The following CRB1 variants were observed in gnomAD, a reference collection of about 807,000 sequenced individuals.
CRB1 encodes protein crumbs homolog 1.
Under a neutral mutation model 120.0 loss-of-function variants are expected in CRB1, and 83 were observed. The observed-to-expected ratio is 0.69, with a 90% confidence interval of 0.58 to 0.83. CRB1 has a LOEUF of 0.83. Ranked by LOEUF, CRB1 falls within the 40% of genes least tolerant of loss-of-function variation. The pLI is 0.00. For missense variants in CRB1, 1,699 were observed against 1,687.6 expected (o/e 1.01, Z -0.12); for synonymous variants, 625 against 612.5 (o/e 1.02, Z -0.30).
intron 10 of CRB1, chr1:197,441,245 T>G (rs942845647): frequency 1.3e-5 from 2 of 152,230 alleles, no homozygotes; most frequent in Non-Finnish European, 2.9e-5. Context: ...AATAGCCGCC[T>G]TAGTTGCTGT....
At chr1:197,466,909 A>C (rs10922234) in intron 11 of CRB1, among the ~76,000 whole-genome samples, 1 of 152,162 alleles carries the variant, frequency 6.6e-6, no homozygotes, top group Non-Finnish European at 1.5e-5. Flanking sequence ...TGAACACCCA[A>C]TGTGTGTCCA....
chr1:197,247,009 A>T, the CRB1 span, among the ~76,000 whole-genome samples: 1 of 152,062 alleles, frequency 6.6e-6, no homozygotes, highest in African/African-American at 2.4e-5. Context: ...ACTCAGTTTT[A>T]GGGAAATATA....
intron 11 of CRB1, among the ~76,000 whole-genome samples, chr1:197,451,569 T>A (rs1393574105): frequency 6.6e-6 from 1 of 152,214 alleles, no homozygotes; most frequent in Non-Finnish European, 1.5e-5. Flanking sequence ...AACCTAACAC[T>A]GTCGATTCTG....
Position 197,344,511 on chromosome 1 carries a change from A to G in CRB1, c.848+35A>G, listed in dbSNP as rs764699585. On this transcript the variant is annotated intron_variant, in intron 3 of 11. Transcript: ENST00000367400. Reference sequence around the variant, plus strand: ...CTCTGGCGTTGGGTGATTGGCTTAGAACTCCCTGACCATGAACTATTTTAC... The same window carrying G: ...CTCTGGCGTTGGGTGATTGGCTTAGGACTCCCTGACCATGAACTATTTTAC... The G allele has an allele frequency of 5.0e-5, 79 of 1,588,970 alleles. 1 individual carries two copies. In the East Asian group the frequency reaches 7.8e-4, roughly 16 times the overall value.
intron 5 of CRB1, among the ~76,000 whole-genome samples, chr1:197,400,084 G>A (rs1662982768): frequency 6.6e-6 from 1 of 152,080 alleles, no homozygotes; most frequent in Non-Finnish European, 1.5e-5. Context: ...ATAGAACTCT[G>A]CCTACTACAT....
chr1:197,406,104 G>A (rs1417517228), intron 5 of CRB1, among the ~76,000 whole-genome samples: 1 of 152,230 alleles, frequency 6.6e-6, no homozygotes. Flanking sequence ...AACGGGCCAT[G>A]ATGACAATGG....
chr1:197,299,020 T>A lies in CRB1; in HGVS notation c.71-29402T>A, dbSNP rs2125250593. Among the ~76,000 whole-genome samples the A allele has an allele frequency of 1.3e-5, 2 of 152,148 alleles. 1 individual carries two copies. Among genetic ancestry groups the A allele is most frequent in the South Asian group, 4.1e-4 (2 of 4,824 alleles). ...TAAGGATAAATTCAATTACATTAAA[T>A]TAACTATAATAGTCAAAAATACTGT... On this transcript the variant is annotated intron_variant, in intron 1 of 11. Coordinates refer to ENST00000367400, the MANE Select transcript of CRB1 (RefSeq NM_201253.3).
At chr1:197,239,148 G>C in the CRB1 span, among the ~76,000 whole-genome samples, 1 of 151,794 alleles carries the variant, frequency 6.6e-6, no homozygotes, top group Non-Finnish European at 1.5e-5. Context: ...TAGTCTATCC[G>C]GGTATATCTT....
In CRB1 at chr1:197,453,539, TAGAG is replaced by T. The variant is rs1181738570; in HGVS notation, c.4005+11255_4005+11258del. Among the ~76,000 whole-genome samples, 20 of 58,506 alleles carry T rather than the reference TAGAG, an allele frequency of 3.4e-4. No individual in the cohort carries two copies. In the South Asian group the frequency reaches 9.5e-3, roughly 28 times the overall value. 38.4% of individuals were successfully genotyped at this position (58,506 alleles called of 152,430 possible). On this transcript the variant is annotated intron_variant, in intron 11 of 11. Coordinates refer to ENST00000367400, the MANE Select transcript of CRB1 (RefSeq NM_201253.3). ...GTGTGTGTGTGTATATATATATATA[TAGAG>T]AGAGAGACAGAGAGAGAGAGAGAGA...
Position 197,421,740 on chromosome 1 carries a change from T to C in CRB1, c.1912T>C (p.Ser638Pro). ...LNFYNMPSTP[S>P]FVGCLQDIKI... ...CTTCTATAATATGCCATCCACACCT[T>C]CGTTTGTAGGCTGTCTCCAAGACAT... The change falls in exon 6 of 12, where the codon TCG becomes CCG. Residue 638 changes from serine (S) to proline (P), a missense_variant. Coordinates refer to ENST00000367400, the MANE Select transcript of CRB1 (RefSeq NM_201253.3). The C allele has an allele frequency of 6.2e-7, 1 of 1,614,160 alleles. No homozygotes were observed. The highest frequency in any genetic ancestry group is 8.5e-7 in the Non-Finnish European group (1 of 1,180,018).
chr1:197,396,170 T>A (rs1383609813), intron 5 of CRB1, among the ~76,000 whole-genome samples: 1 of 152,132 alleles, frequency 6.6e-6, no homozygotes, highest in African/African-American at 2.4e-5. Context: ...ATATAAAAAA[T>A]TAGTTGTTTT....
chr1:197,212,938 G>A, the CRB1 span, among the ~76,000 whole-genome samples: 2 of 152,012 alleles, frequency 1.3e-5, no homozygotes, highest in Non-Finnish European at 2.9e-5. Flanking sequence ...TGGATAAAGA[G>A]GTGAACATCA....
intron 11 of CRB1, among the ~76,000 whole-genome samples, chr1:197,457,009 T>A (rs575891775): frequency 6.6e-6 from 1 of 152,310 alleles, no homozygotes; most frequent in Non-Finnish European, 1.5e-5. Flanking sequence ...AGTTGACCAC[T>A]GCTGCAATAT....
At chr1:197,204,158 T>A in the CRB1 span, among the ~76,000 whole-genome samples, 1 of 152,262 alleles carries the variant, frequency 6.6e-6, no homozygotes, top group East Asian at 1.9e-4. Context: ...CCATAATATA[T>A]ATGTATACTA....
At chr1:197,400,366 C>A (rs1040457279) in intron 5 of CRB1, among the ~76,000 whole-genome samples, 2 of 146,868 alleles carry the variant, frequency 1.4e-5, no homozygotes, top group African/African-American at 5.1e-5. Context: ...GGCTGGAGAG[C>A]AGTGGCGCAA....
chr1:197,415,510 G>C (rs1663933997), intron 5 of CRB1, among the ~76,000 whole-genome samples: 1 of 151,858 alleles, frequency 6.6e-6, no homozygotes, highest in Non-Finnish European at 1.5e-5. Flanking sequence ...ATGCCAACCA[G>C]ATTGCCAAAC....
At chr1:197,451,725 A>G (rs1665984419) in intron 11 of CRB1, among the ~76,000 whole-genome samples, 1 of 152,218 alleles carries the variant, frequency 6.6e-6, no homozygotes, top group African/African-American at 2.4e-5. Flanking sequence ...ATCGAGGCAT[A>G]TAGCCAGACA....
intron 5 of CRB1, among the ~76,000 whole-genome samples, chr1:197,400,304 CTTTTTTTTTTT>C (rs200472313): frequency 7.9e-6 from 1 of 127,080 alleles, no homozygotes. Context: ...AATGTAAGAG[CTTTTTTTTTTT>C]TTTTTTTTTT....
At chr1:197,410,028 G>T (rs554541089) in intron 5 of CRB1, among the ~76,000 whole-genome samples, 4 of 152,172 alleles carry the variant, frequency 2.6e-5, no homozygotes, top group South Asian at 2.1e-4. Context: ...CTCGTGATCC[G>T]CCCTCCTCGG....
Sources: gnomAD v4.1 joint callset for allele counts (sites outside exome capture counted in the v4.1 genomes callset) on GRCh38, gnomAD v4.1.1 for gene constraint, MANE v1.5 for transcripts, NCBI Gene and HGNC (gene_info 2026-07-23, HGNC 2026-07-21) for gene names.